Variants in CTBP2 observed in about 807,000 individuals in gnomAD.
CTBP2 encodes C-terminal binding protein 2.
CTBP2 carries 30 observed loss-of-function variants against 80.3 expected under a neutral mutation model. The ratio of observed to expected loss-of-function variants is 0.37; its 90% CI spans 0.28 to 0.51. The LOEUF is 0.51. Among genes scored for constraint, CTBP2 ranks in the 20% least tolerant of loss-of-function variants. The pLI is 0.93. For synonymous variants in CTBP2, 594 were observed against 587.4 expected, an observed-to-expected ratio of 1.01 and a Z score of -0.16; for missense variants, 1,212 against 1,375.3, an observed-to-expected ratio of 0.88 and a Z score of 1.88.
At chr10:125,121,263 C>T (rs1854272565) in intron 1 of CTBP2, among the ~76,000 whole-genome samples, 1 of 152,254 alleles carries the variant, frequency 6.6e-6, no homozygotes, top group Admixed American at 6.5e-5. Flanking sequence ...CAATGCACAG[C>T]GCTCAGCGTG....
intron 1 of CTBP2, chr10:125,137,890 G>A (rs1398505278): frequency 6.6e-6 from 1 of 152,194 alleles, no homozygotes. Flanking sequence ...GGAGTCCACT[G>A]GGGCTACTCA....
intron 1 of CTBP2, among the ~76,000 whole-genome samples, chr10:125,157,048 G>A (rs903812592): frequency 6.6e-6 from 1 of 152,170 alleles, no homozygotes; most frequent in Admixed American, 6.5e-5. Context: ...TCACTGGCGT[G>A]TTTTTTACAA....
chr10:125,091,474 A>G (rs1247551532), intron 2 of CTBP2, among the ~76,000 whole-genome samples: 1 of 152,170 alleles, frequency 6.6e-6, no homozygotes, highest in Non-Finnish European at 1.5e-5. Context: ...TTTATTCCCT[A>G]TTTAAAAAGT....
intron 2 of CTBP2, among the ~76,000 whole-genome samples, chr10:125,105,922 T>C (rs1230702885): frequency 1.3e-5 from 2 of 152,204 alleles, no homozygotes; most frequent in Admixed American, 6.5e-5. Context: ...GTAAACACAA[T>C]GCACCACCAC....
chr10:125,136,134 C>T (rs1856937711), intron 1 of CTBP2, among the ~76,000 whole-genome samples: 1 of 152,188 alleles, frequency 6.6e-6, no homozygotes, highest in African/African-American at 2.4e-5. Context: ...TTTTTCAAAG[C>T]TCTCCAGGTG....
rs1952998728 is a variant in CTBP2, at chr10:124,993,467, T to C, written c.2532-138A>G. 7.7e-6 allele frequency: 8 copies of C among 1,045,574 alleles called. No individual in the cohort carries two copies. The East Asian group carries it at 1.1e-4, about 14-fold the overall frequency. The allele number at this position is 1,045,574 out of a possible 1,614,324, so 64.8% of individuals were successfully genotyped here. A position where few individuals can be genotyped will look rare whatever the true frequency, so the allele number is the denominator to read the frequency against. ...GGATACAGGAACATCTGTGATGATA[T>C]TTTATGAAGGCTGGGAATTTTTGAA... On this transcript the variant is annotated intron_variant, in intron 6 of 8. Transcript: ENST00000309035.
intron 1 of CTBP2, among the ~76,000 whole-genome samples, chr10:125,149,973 C>A (rs995324697): frequency 1.3e-5 from 2 of 152,220 alleles, no homozygotes; most frequent in Non-Finnish European, 2.9e-5. Flanking sequence ...TGCAGGGGAG[C>A]GACCCAAAGG....
intron 1 of CTBP2, among the ~76,000 whole-genome samples, chr10:125,143,483 A>C (rs570978757): frequency 6.6e-6 from 1 of 152,380 alleles, no homozygotes; most frequent in African/African-American, 2.4e-5. Context: ...ATTTCAAAAA[A>C]AGAAAAAATT....
chr10:125,051,917 G>A (rs533826550), intron 2 of CTBP2, among the ~76,000 whole-genome samples: 19 of 152,290 alleles, frequency 1.2e-4, no homozygotes, highest in East Asian at 5.8e-4. Flanking sequence ...GGAAGACGAC[G>A]TGAAGATGGC....
At chr10:125,013,653 C>T (rs1237242712) in intron 1 of CTBP2, among the ~76,000 whole-genome samples, 2 of 152,188 alleles carry the variant, frequency 1.3e-5, no homozygotes, top group African/African-American at 2.4e-5. Flanking sequence ...AACCCTGTGC[C>T]GTAGGCGCTG....
intron 2 of CTBP2, among the ~76,000 whole-genome samples, chr10:125,093,167 T>C (rs1849040196): frequency 6.6e-6 from 1 of 152,248 alleles, no homozygotes; most frequent in Non-Finnish European, 1.5e-5. Flanking sequence ...GCGTGCTTTC[T>C]ACATGAGCAT....
intron 3 of CTBP2, chr10:124,999,681 A>G (rs888773620): frequency 6.6e-6 from 1 of 152,236 alleles, no homozygotes; most frequent in African/African-American, 2.4e-5. Context: ...AGGCCGACCA[A>G]CTTTCCCACG....
At chr10:125,126,835 C>T (rs2209684) in intron 1 of CTBP2, among the ~76,000 whole-genome samples, 48,282 of 151,996 alleles carry the variant, frequency 0.32, 7,745 homozygotes, top group Middle Eastern at 0.33. Flanking sequence ...AAAAGAGCTG[C>T]GTGCACTTCT....
intron 1 of CTBP2, chr10:125,122,917 A>G (rs1206834650): frequency 2.6e-5 from 4 of 152,250 alleles, no homozygotes; most frequent in Admixed American, 2.6e-4. Context: ...CCAGCCATAC[A>G]TACAACAACT....
chr10:124,997,749 G>A (rs1388375639), intron 4 of CTBP2: 5 of 588,380 alleles, frequency 8.5e-6, no homozygotes, highest in East Asian at 5.6e-5. Context: ...CAGTGGACAC[G>A]CATTCTTCCA....
rs1447590253 is a variant in CTBP2, at chr10:125,083,312, T to TA, written c.-102+27677dup. On this transcript the variant is annotated intron_variant, in intron 2 of 10. Transcript: ENST00000337195. ...AGCCTCTCTTGATTTGGCTTCTGGATAAAAAAGAGTCTCCCTGTCGTGCCA... is the reference window on the plus strand; with the variant it reads ...AGCCTCTCTTGATTTGGCTTCTGGATAAAAAAAGAGTCTCCCTGTCGTGCCA... 7.2e-5 allele frequency among the ~76,000 whole-genome samples: 11 copies of TA among 152,184 alleles called. No individual in the cohort carries two copies. In the East Asian group the frequency reaches 1.4e-3, roughly 19 times the overall value.
Position 125,066,731 on chromosome 10 carries a change from C to G in CTBP2, c.-101-27576G>C, listed in dbSNP as rs184611951. Among the ~76,000 whole-genome samples the G allele has an allele frequency of 6.6e-6, 1 of 152,156 alleles. No homozygotes were observed. The highest frequency in any genetic ancestry group is 1.5e-5 in the Non-Finnish European group (1 of 68,036). On this transcript the variant is annotated intron_variant, in intron 2 of 10. Transcript: ENST00000337195. The surrounding 1 kb of genome is among the most constrained non-coding windows in gnomAD (Gnocchi z 4.1). ...GGGTACATCACCTGAGCCCTTCACA[C>G]CTGGGGGTTTCTTATCCATAAATGG...
At chr10:125,121,264 G>C (rs990241345) in intron 1 of CTBP2, among the ~76,000 whole-genome samples, 1 of 152,214 alleles carries the variant, frequency 6.6e-6, no homozygotes, top group Admixed American at 6.5e-5. Context: ...AATGCACAGC[G>C]CTCAGCGTGG....
intron 1 of CTBP2, among the ~76,000 whole-genome samples, chr10:125,018,561 A>C (rs80355415): frequency 4.5e-4 from 28 of 62,120 alleles, no homozygotes; most frequent in South Asian, 6.7e-4. Flanking sequence ...ACCAACAAAC[A>C]AACAAACAAA....
Sources: gnomAD v4.1 joint callset for allele counts (sites outside exome capture counted in the v4.1 genomes callset) on GRCh38, gnomAD v4.1.1 for gene constraint, Gnocchi (gnomAD v3.1) non-coding constraint, MANE v1.5 for transcripts, NCBI Gene and HGNC (gene_info 2026-07-23, HGNC 2026-07-21) for gene names.